The following EPHA7 variants were observed in gnomAD, a reference collection of about 807,000 sequenced individuals.
The protein encoded by EPHA7 is EPH receptor A7.
Under a neutral mutation model 112.6 loss-of-function variants are expected in EPHA7, and 25 were observed. The ratio of observed to expected loss-of-function variants is 0.22; its 90% CI spans 0.16 to 0.31. The LOEUF is 0.31. EPHA7 is among the 10% of genes least tolerant of loss of function. EPHA7 has a pLI of 1.00. For synonymous variants in EPHA7, 437 were observed against 406.5 expected, an observed-to-expected ratio of 1.07 and a Z score of -0.90; for missense variants, 962 against 1,212.6, an observed-to-expected ratio of 0.79 and a Z score of 3.07.
intron 5 of EPHA7, among the ~76,000 whole-genome samples, chr6:93,301,186 T>C (rs1049232186): frequency 6.6e-6 from 1 of 152,190 alleles, no homozygotes; most frequent in African/African-American, 2.4e-5. Flanking sequence ...AAATATATTA[T>C]CTACTCTGCT....
Position 93,419,473 on chromosome 6 carries a change from T to G in EPHA7, c.-132A>C. 1.5e-6 allele frequency: 1 copy of G among 662,028 alleles called. No individual in the cohort carries two copies. Among genetic ancestry groups the G allele is most frequent in the Non-Finnish European group, 2.5e-6 (1 of 397,460 alleles). 41.0% of individuals were successfully genotyped at this position (662,028 alleles called of 1,614,324 possible). On this transcript the variant is annotated 5_prime_UTR_variant, in exon 1 of 17. Transcript: ENST00000369303. ...TTCCCCTTCTCGGTCCCCGATCGGC[T>G]GCTCCACGTTTAGCTTTTTTTAATT...
At position 93,259,348 on chromosome 6, in the gene EPHA7, C is replaced by G; in HGVS notation, c.1924+6G>C. ...CAGCTGAACGAGGAAGCTACAATAG[C>G]CTTACCTGCACCAATCACACGCTCA... is the stretch of plus-strand genomic sequence containing the variant. On this transcript the variant is annotated splice_donor_region_variant and intron_variant, in intron 10 of 16. Transcript: ENST00000369303. 2 of 1,611,124 alleles carry G rather than the reference C, an allele frequency of 1.2e-6. No homozygotes were observed. The highest frequency in any genetic ancestry group is 2.2e-5 in the East Asian group (1 of 44,784).
intron 5 of EPHA7, among the ~76,000 whole-genome samples, chr6:93,316,278 C>T (rs901912584): frequency 1.3e-5 from 2 of 152,084 alleles, no homozygotes; most frequent in African/African-American, 4.8e-5. Flanking sequence ...AGAATAATTG[C>T]AATAACACCC....
Position 93,410,981 on chromosome 6 carries a change from T to C in EPHA7, c.352A>G (p.Thr118Ala), listed in dbSNP as rs764585634. The C allele has an allele frequency of 2.5e-6, 4 of 1,608,910 alleles. No individual in the cohort carries two copies. The highest frequency in any genetic ancestry group is 3.4e-6 in the Non-Finnish European group (4 of 1,175,658). The change falls in exon 3 of 17, where the codon ACT becomes GCT. Residue 118 changes from threonine to alanine, a missense_variant. Around this residue, in one of 3 missense-constraint regions of EPHA7, gnomAD observed 160 missense variants for 263.6 expected, o/e 0.61. Coordinates refer to ENST00000369303, the MANE Select transcript of EPHA7 (RefSeq NM_004440.4). The surrounding 1 kb of genome is among the most constrained non-coding windows in gnomAD (Gnocchi z 4.0). ...DCNSLPGVLG[T>A]CKETFNLYYY... ...TACAAATTAAATGTTTCCTTGCAAG[T>C]TCCCAGTACTCCAGGAAGACTGTTA...
intron 13 of EPHA7, among the ~76,000 whole-genome samples, chr6:93,255,347 TCAA>T (rs34956295): frequency 1.1e-4 from 17 of 150,296 alleles, no homozygotes; most frequent in African/African-American, 2.9e-4. Flanking sequence ...AAACTCCATC[TCAA>T]CAACAACAAC....
At chr6:93,321,274 A>C (rs981274410) in intron 5 of EPHA7, among the ~76,000 whole-genome samples, 5 of 151,956 alleles carry the variant, frequency 3.3e-5, no homozygotes, top group African/African-American at 9.7e-5. Context: ...CCTAATATCA[A>C]CTTTGAGAAG....
At chr6:93,365,824 T>A (rs1476312188) in intron 3 of EPHA7, among the ~76,000 whole-genome samples, 3 of 152,194 alleles carry the variant, frequency 2.0e-5, no homozygotes, top group African/African-American at 7.2e-5. Flanking sequence ...TGGGGATTTT[T>A]AAAACTAACA....
chr6:93,394,718 C>A (rs1778081527), intron 3 of EPHA7, among the ~76,000 whole-genome samples: 1 of 151,720 alleles, frequency 6.6e-6, no homozygotes, highest in South Asian at 2.1e-4. Flanking sequence ...AAAAATTTTA[C>A]AACTGTTTAT....
At chr6:93,254,884 T>C in intron 13 of EPHA7, 88 bp from the exon 14 acceptor site, 1 of 1,115,568 alleles carries the variant, frequency 9.0e-7, no homozygotes, top group Non-Finnish European at 1.2e-6. Flanking sequence ...TGTGCATTTT[T>C]GGTTGGTAGT....
intron 5 of EPHA7, among the ~76,000 whole-genome samples, chr6:93,354,545 A>G (rs1775847106): frequency 6.6e-6 from 1 of 151,394 alleles, no homozygotes; most frequent in African/African-American, 2.4e-5. Flanking sequence ...ATATACGATT[A>G]AGTATTTTTA....
chr6:93,356,369 G>A (rs182198121), intron 5 of EPHA7, among the ~76,000 whole-genome samples: 3 of 152,044 alleles, frequency 2.0e-5, no homozygotes, highest in South Asian at 2.1e-4. Context: ...CACCATGCCC[G>A]GCTAATTCTT....
chr6:93,410,212 C>T lies in EPHA7; in HGVS notation c.832+289G>A, dbSNP rs1384040858. On this transcript the variant is annotated intron_variant, in intron 3 of 16. Transcript: ENST00000369303. This position sits in a 1 kb window ranked among gnomAD's most constrained non-coding sequence, Gnocchi z 4.0. ...GCTATATGTCCAACTACCCAGACTC[C>T]TCTCTAAACTCCATAGCCCAACGTG... The T allele has an allele frequency of 6.4e-6, 2 of 312,318 alleles. No individual in the cohort carries two copies. The allele number at this position is 312,318 out of a possible 1,614,324, so 19.3% of individuals were successfully genotyped here.
intron 5 of EPHA7, among the ~76,000 whole-genome samples, chr6:93,294,125 T>G (rs1166214681): frequency 6.6e-6 from 1 of 152,182 alleles, no homozygotes; most frequent in African/African-American, 2.4e-5. Flanking sequence ...TGGCTTGCTG[T>G]AATTGAATTT....
At chr6:93,269,861 G>A (rs1051370586) in intron 6 of EPHA7, among the ~76,000 whole-genome samples, 1 of 151,590 alleles carries the variant, frequency 6.6e-6, no homozygotes, top group Non-Finnish European at 1.5e-5. Flanking sequence ...TATATATTTA[G>A]GGCGAAATAA....
intron 5 of EPHA7, among the ~76,000 whole-genome samples, chr6:93,334,874 A>T (rs1038344741): frequency 4.6e-5 from 7 of 152,126 alleles, no homozygotes; most frequent in Non-Finnish European, 1.0e-4. Flanking sequence ...TGTGTAGCTC[A>T]TATTTTAAAA....
At chr6:93,314,894 G>A (rs1365154797) in intron 5 of EPHA7, among the ~76,000 whole-genome samples, 1 of 116,016 alleles carries the variant, frequency 8.6e-6, no homozygotes, top group Non-Finnish European at 1.6e-5. Context: ...ACGGAGTCTC[G>A]CTCTGTCGCC....
At chr6:93,384,534 C>T (rs1463156522) in intron 3 of EPHA7, among the ~76,000 whole-genome samples, 1 of 152,170 alleles carries the variant, frequency 6.6e-6, no homozygotes, top group Non-Finnish European at 1.5e-5. Flanking sequence ...AGCTTTATCA[C>T]TATAATCCTT....
intron 6 of EPHA7, 126 bp downstream of exon 6, chr6:93,272,171 TA>T: frequency 9.7e-7 from 1 of 1,026,668 alleles, no homozygotes; most frequent in Non-Finnish European, 1.4e-6. Context: ...TATAAATGGC[TA>T]AAATTAACTA....
chr6:93,339,127 T>G (rs1054149146), intron 5 of EPHA7, among the ~76,000 whole-genome samples: 2 of 151,512 alleles, frequency 1.3e-5, no homozygotes, highest in Non-Finnish European at 3.0e-5. Flanking sequence ...AAACTGGCAA[T>G]AAAATAAGTT....
Sources: gnomAD v4.1 joint callset for allele counts (sites outside exome capture counted in the v4.1 genomes callset) on GRCh38, gnomAD v4.1.1 for gene constraint, gnomAD v4.1.1 regional missense constraint, Gnocchi (gnomAD v3.1) non-coding constraint, MANE v1.5 for transcripts, NCBI Gene and HGNC (gene_info 2026-07-23, HGNC 2026-07-21) for gene names.